LMX1B: variants seen among roughly 807,000 people sequenced by gnomAD.
LMX1B encodes LIM homeobox transcription factor 1-beta.
LMX1B carries 12 observed loss-of-function variants against 51.4 expected under a neutral mutation model. The ratio of observed to expected loss-of-function variants is 0.23; its 90% CI spans 0.15 to 0.38. The LOEUF (loss-of-function observed/expected upper bound fraction) is 0.38, where lower values mean the gene tolerates loss of function less well. LMX1B is among the 10% of genes least tolerant of loss of function. The pLI, the probability that LMX1B is intolerant of heterozygous loss-of-function variation, is 1.00. For missense variants in LMX1B, 445 were observed against 571.1 expected (o/e 0.78, Z 2.25); for synonymous variants, 237 against 235.4 (o/e 1.01, Z -0.06).
intron 3 of LMX1B, among the ~76,000 whole-genome samples, chr9:126,692,622 G>A (rs908944659): frequency 6.6e-6 from 1 of 152,274 alleles, no homozygotes; most frequent in African/African-American, 2.4e-5. Context: ...CAGCAGGTGA[G>A]TGTGCATCTT....
intron 2 of LMX1B, among the ~76,000 whole-genome samples, chr9:126,683,277 G>A (rs1435283032): frequency 6.6e-6 from 1 of 151,430 alleles, no homozygotes; most frequent in East Asian, 1.9e-4. Context: ...GCGTACCGGG[G>A]CCCCCGCCCG....
rs1836170361 is a variant in LMX1B at position 126,658,829 on chromosome 9, A to G, written c.327-32007A>G. Among the ~76,000 whole-genome samples, 1 of 152,222 alleles carries G rather than the reference A, an allele frequency of 6.6e-6. No individual in the cohort carries two copies. ...GGAGAGACCGGGGGTTCAAATTCAG[A>G]AAGCCCCCTTGCCTGTATCAGGCCT... is the stretch of plus-strand genomic sequence containing the variant. On this transcript the variant is annotated intron_variant, in intron 2 of 7. Coordinates refer to ENST00000373474, the MANE Select transcript of LMX1B (RefSeq NM_001174147.2). The surrounding 1 kb of genome is among the most constrained non-coding windows in gnomAD (Gnocchi z 4.0).
chr9:126,650,632 G>A (rs764894222), intron 2 of LMX1B, among the ~76,000 whole-genome samples: 11 of 152,206 alleles, frequency 7.2e-5, no homozygotes, highest in Non-Finnish European at 1.5e-5. Flanking sequence ...TGGCCCCCTC[G>A]CTCCTGGCCT....
At chr9:126,664,484 C>T (rs1836304850) in intron 2 of LMX1B, among the ~76,000 whole-genome samples, 1 of 152,228 alleles carries the variant, frequency 6.6e-6, no homozygotes, top group Non-Finnish European at 1.5e-5. Context: ...AGAGGTGTCA[C>T]CTCCAAGTCC....
intron 2 of LMX1B, among the ~76,000 whole-genome samples, chr9:126,633,042 G>A (rs1428744281): frequency 6.6e-6 from 1 of 152,188 alleles, no homozygotes; most frequent in Non-Finnish European, 1.5e-5. Context: ...AGGCTGTGGT[G>A]GTTGCCCAGG....
chr9:126,633,087 C>G (rs183244721), intron 2 of LMX1B, among the ~76,000 whole-genome samples: 1 of 152,228 alleles, frequency 6.6e-6, no homozygotes, highest in Non-Finnish European at 1.5e-5. Flanking sequence ...CTTTCTTCTT[C>G]TGGAAAACTC....
chr9:126,652,730 G>T (rs1836045512), intron 2 of LMX1B, among the ~76,000 whole-genome samples: 1 of 152,200 alleles, frequency 6.6e-6, no homozygotes, highest in African/African-American at 2.4e-5. Context: ...GGGGGTCCCT[G>T]CCAATCCCAC....
intron 2 of LMX1B, among the ~76,000 whole-genome samples, chr9:126,642,464 C>A (rs547527973): frequency 8.5e-5 from 13 of 152,318 alleles, no homozygotes; most frequent in African/African-American, 3.1e-4. Context: ...ACTGTTTCCT[C>A]CACCAAGAAT....
intron 2 of LMX1B, among the ~76,000 whole-genome samples, chr9:126,655,968 T>G (rs1836108682): frequency 6.6e-6 from 1 of 152,012 alleles, no homozygotes; most frequent in African/African-American, 2.4e-5. Context: ...TTCTCAAAAA[T>G]AAAAGCAGAG....
intron 2 of LMX1B, among the ~76,000 whole-genome samples, chr9:126,666,651 T>C (rs1836347254): frequency 6.6e-6 from 1 of 152,258 alleles, no homozygotes; most frequent in Non-Finnish European, 1.5e-5. Flanking sequence ...TTCTATGTGC[T>C]GTACGCTGAT....
At chr9:126,693,667 A>C in intron 5 of LMX1B, 66 bp downstream of exon 5, 1 of 1,604,168 alleles carries the variant, frequency 6.2e-7, no homozygotes, top group Non-Finnish European at 8.5e-7. Flanking sequence ...CAGCCAGAAG[A>C]CTACGGTCCA....
intron 2 of LMX1B, among the ~76,000 whole-genome samples, chr9:126,654,062 A>G (rs1238624627): frequency 6.6e-6 from 1 of 152,064 alleles, no homozygotes; most frequent in African/African-American, 2.4e-5. Flanking sequence ...CATTCTTAGG[A>G]TAAGAATGTG....
At chr9:126,694,022 C>T (rs2030243970) in intron 6 of LMX1B, among the ~76,000 whole-genome samples, 2 of 152,194 alleles carry the variant, frequency 1.3e-5, no homozygotes, top group Non-Finnish European at 2.9e-5. Flanking sequence ...CCACCAAGGC[C>T]ATCAGATCCC....
intron 2 of LMX1B, among the ~76,000 whole-genome samples, chr9:126,665,953 G>C (rs1276454299): frequency 6.6e-6 from 1 of 152,270 alleles, no homozygotes; most frequent in East Asian, 1.9e-4. Flanking sequence ...CGGAGAGGCT[G>C]AGATGTGCTG....
At chr9:126,696,116 G>A in intron 7 of LMX1B, 113 bp downstream of exon 7, 1 of 1,192,504 alleles carries the variant, frequency 8.4e-7, no homozygotes, top group Non-Finnish European at 1.2e-6. Context: ...AGGCAGCATG[G>A]CCAGCACAGC....
chr9:126,616,723 C>G (rs1040367434), intron 2 of LMX1B, among the ~76,000 whole-genome samples: 2 of 152,218 alleles, frequency 1.3e-5, no homozygotes, highest in African/African-American at 2.4e-5. Context: ...CCTACCTGTT[C>G]TGCCCAGGGA....
rs756348484 is a variant in LMX1B, at chr9:126,696,404, C to G, written c.1162C>G (p.Pro388Ala). The G allele has an allele frequency of 3.1e-6, 5 of 1,614,106 alleles. No homozygotes were observed. Among genetic ancestry groups the G allele is most frequent in the Non-Finnish European group, 1.7e-6 (2 of 1,179,992 alleles). Reference sequence around the variant, plus strand: ...CTCCCTGCAGGCCCGCGTGGGGAACCCCATCGACCGGCTCTACTCCATGCA... The same window carrying G: ...CTCCCTGCAGGCCCGCGTGGGGAACGCCATCGACCGGCTCTACTCCATGCA... ...VGSLQARVGN[P>A]IDRLYSMQSS... is the part of the protein sequence containing the mutation. The change falls in exon 8 of 8, where the codon CCC becomes GCC. Residue 388 changes from proline (P) to alanine (A), a missense_variant. Transcript: ENST00000373474.
Position 126,658,664 on chromosome 9 carries a change from C to T in LMX1B, c.327-32172C>T, listed in dbSNP as rs750910710. Among the ~76,000 whole-genome samples, 2 of 152,180 alleles carry T rather than the reference C, an allele frequency of 1.3e-5. No homozygotes were observed. The highest frequency in any genetic ancestry group is 4.8e-5 in the African/African-American group (2 of 41,432). ...TCATAAATAGTTAGGGGAAGGCCCC[C>T]GAACGAGGCAGCTTTATAAATGGCT... On this transcript the variant is annotated intron_variant, in intron 2 of 7. Coordinates refer to ENST00000373474, the MANE Select transcript of LMX1B (RefSeq NM_001174147.2). This position sits in a 1 kb window ranked among gnomAD's most constrained non-coding sequence, Gnocchi z 4.0.
intron 2 of LMX1B, among the ~76,000 whole-genome samples, chr9:126,638,970 C>A (rs1023644519): frequency 1.3e-5 from 2 of 150,952 alleles, no homozygotes; most frequent in Admixed American, 1.3e-4. Context: ...GATAGCCGGG[C>A]TCTAGGTGAG....
Sources: gnomAD v4.1 joint callset for allele counts (sites outside exome capture counted in the v4.1 genomes callset) on GRCh38, gnomAD v4.1.1 for gene constraint, Gnocchi (gnomAD v3.1) non-coding constraint, MANE v1.5 for transcripts, NCBI Gene and HGNC (gene_info 2026-07-23, HGNC 2026-07-21) for gene names.